RBM26: variants seen among roughly 807,000 people sequenced by gnomAD.
RBM26 encodes the protein RNA binding motif protein 26.
A neutral mutation model predicts 123.6 loss-of-function variants in RBM26; 30 were observed. The ratio of observed to expected loss-of-function variants is 0.24; its 90% CI spans 0.18 to 0.33. The LOEUF (loss-of-function observed/expected upper bound fraction) is 0.33. Among genes scored for constraint, RBM26 ranks in the 10% least tolerant of loss-of-function variants. The probability of loss-of-function intolerance (pLI) is 1.00; values close to 1 mark genes in which losing one functional copy is unlikely to be tolerated. For synonymous variants in RBM26, 400 were observed against 404.4 expected (o/e 0.99, Z 0.13); for missense variants, 947 against 1,203.6 (o/e 0.79, Z 3.15).
intron 11 of RBM26, among the ~76,000 whole-genome samples, chr13:79,357,651 G>A (rs994414735): frequency 2.0e-5 from 3 of 152,118 alleles, no homozygotes; most frequent in African/African-American, 7.2e-5. Flanking sequence ...CCATAGGAGT[G>A]ACAAAAATCT....
At chr13:79,312,078 C>G (rs958037582) in exon 5 of RBM26, 5 of 152,082 alleles carry the variant, frequency 3.3e-5, no homozygotes, top group African/African-American at 4.8e-5. Flanking sequence ...CAATTGCTTT[C>G]GCTCCACTCA....
chr13:79,404,517 T>C (rs2140627019), intron 1 of RBM26, among the ~76,000 whole-genome samples: 1 of 152,358 alleles, frequency 6.6e-6, no homozygotes, highest in East Asian at 1.9e-4. Context: ...ATACATGATG[T>C]GGCCCCTACC....
intron 21 of RBM26, among the ~76,000 whole-genome samples, 175 bp from the exon 22 acceptor site, chr13:79,320,885 C>T (rs942498068): frequency 6.6e-6 from 1 of 151,216 alleles, no homozygotes; most frequent in African/African-American, 2.4e-5. Flanking sequence ...AATGGTTTCT[C>T]TATATGATCT....
intron 1 of RBM26, among the ~76,000 whole-genome samples, chr13:79,392,500 T>C (rs2078179440): frequency 6.8e-6 from 1 of 146,584 alleles, no homozygotes; most frequent in South Asian, 2.1e-4. Flanking sequence ...TCACATATAT[T>C]CTAATATATT....
intron 6 of RBM26, among the ~76,000 whole-genome samples, chr13:79,368,138 C>G (rs1412798146): frequency 2.0e-5 from 3 of 151,954 alleles, no homozygotes; most frequent in African/African-American, 7.2e-5. Context: ...CCTTCTCCTG[C>G]CTCAGCCTCC....
chr13:79,377,414 A>G lies in RBM26; in HGVS notation c.292T>C (p.Phe98Leu), dbSNP rs1566528227. Residue 98 changes from phenylalanine (F) to leucine (L), a missense_variant, in exon 3 of 22, where the codon TTT becomes CTT. By Grantham distance (22) the Phe-to-Leu change is conservative. Around this residue, in one of 5 missense-constraint regions of RBM26, gnomAD observed 275 missense variants for 361.0 expected, o/e 0.76. Coordinates refer to ENST00000438737, the MANE Select transcript of RBM26 (RefSeq NM_001366735.2). Reference sequence around the variant, plus strand: ...TTTATATCTTTTTCTTGGTGTGGAAAAAATTCTACCTTCAGGCTTCCTGAT... The same window carrying G: ...TTTATATCTTTTTCTTGGTGTGGAAGAAATTCTACCTTCAGGCTTCCTGAT... Reference protein sequence around the residue: ...PSSGSLKVEFFPHQEKDIKKE... With the variant: ...PSSGSLKVEFLPHQEKDIKKE... 6.2e-7 allele frequency: 1 copy of G among 1,613,874 alleles called. No individual in the cohort carries two copies. The highest frequency in any genetic ancestry group is 8.5e-7 in the Non-Finnish European group (1 of 1,179,890).
intron 14 of RBM26, among the ~76,000 whole-genome samples, chr13:79,345,902 T>A (rs973442850): frequency 6.6e-6 from 1 of 152,168 alleles, no homozygotes; most frequent in African/African-American, 2.4e-5. Flanking sequence ...AAAAACAGTT[T>A]AAGTTCCACG....
chr13:79,380,755 T>C (rs2077011907), intron 1 of RBM26, among the ~76,000 whole-genome samples: 1 of 152,062 alleles, frequency 6.6e-6, no homozygotes, highest in South Asian at 2.1e-4. Flanking sequence ...TTGTATCTGT[T>C]AACCAACCTC....
Position 79,371,945 on chromosome 13 carries a change from A to C in RBM26, c.328-15T>G. Reference sequence around the variant, plus strand: ...TCCTTAGTGATCTGATTAAAAAAAAAAAAAAAAGTGTACAAGTTTAGTAAT... The same window carrying C: ...TCCTTAGTGATCTGATTAAAAAAAACAAAAAAAGTGTACAAGTTTAGTAAT... On this transcript the variant is annotated splice_polypyrimidine_tract_variant and intron_variant, in intron 3 of 21. Transcript: ENST00000438737. 6.4e-7 allele frequency: 1 copy of C among 1,552,272 alleles called. No homozygotes were observed. The highest frequency in any genetic ancestry group is 8.9e-7 in the Non-Finnish European group (1 of 1,128,352).
intron 1 of RBM26, among the ~76,000 whole-genome samples, chr13:79,381,313 C>T (rs932788389): frequency 5.3e-5 from 8 of 152,006 alleles, no homozygotes; most frequent in Non-Finnish European, 7.4e-5. Context: ...ACCTGACTTC[C>T]AATTTACTTT....
At chr13:79,325,402 C>T (rs2068230957) in intron 20 of RBM26, among the ~76,000 whole-genome samples, 1 of 151,978 alleles carries the variant, frequency 6.6e-6, no homozygotes, top group South Asian at 2.1e-4. Flanking sequence ...TCCAGTGGGA[C>T]AAGACGTAAA....
intron 20 of RBM26, among the ~76,000 whole-genome samples, chr13:79,333,620 T>G (rs2069803780): frequency 1.3e-5 from 2 of 152,202 alleles, no homozygotes; most frequent in African/African-American, 2.4e-5. Context: ...TGACACTGTC[T>G]TCTCTACAAT....
intron 14 of RBM26, among the ~76,000 whole-genome samples, chr13:79,349,972 A>G (rs866939732): frequency 2.0e-5 from 3 of 152,222 alleles, no homozygotes; most frequent in African/African-American, 7.2e-5. Flanking sequence ...CTGGGATTAC[A>G]AGCGTGAGCC....
intron 21 of RBM26, 127 bp downstream of exon 21, chr13:79,322,222 T>C: frequency 2.0e-6 from 1 of 508,862 alleles, no homozygotes. Context: ...ATTTATCTGA[T>C]ATCCCCTGCC....
intron 20 of RBM26, among the ~76,000 whole-genome samples, chr13:79,325,248 A>AT (rs567979411): frequency 3.9e-5 from 6 of 151,950 alleles, no homozygotes; most frequent in Non-Finnish European, 8.8e-5. Context: ...GTGTACTCTA[A>AT]TTTTTTTTAA....
chr13:79,325,332 A>G (rs2068221541), intron 20 of RBM26, among the ~76,000 whole-genome samples: 1 of 152,156 alleles, frequency 6.6e-6, no homozygotes, highest in African/African-American at 2.4e-5. Flanking sequence ...CGTAGGCCTC[A>G]GCCTATAATA....
At chr13:79,350,190 T>C (rs941282451) in intron 14 of RBM26, among the ~76,000 whole-genome samples, 14 of 152,230 alleles carry the variant, frequency 9.2e-5, no homozygotes, top group African/African-American at 3.4e-4. Flanking sequence ...ATGGTATAGA[T>C]GTTAATATAT....
At position 79,337,265 on chromosome 13, in the gene RBM26, C is replaced by T. The variant is rs2070598574; in HGVS notation, c.2570G>A (p.Arg857Lys). 5.6e-6 allele frequency: 9 copies of T among 1,614,062 alleles called. No homozygotes were observed. Among genetic ancestry groups the T allele is most frequent in the Non-Finnish European group, 7.6e-6 (9 of 1,180,020 alleles). Reference sequence around the variant, plus strand: ...ACCTCGACCTCTTGAATGAATTCCTCTGCCCCGACCAGATGAAAGAATCCC... The same window carrying T: ...ACCTCGACCTCTTGAATGAATTCCTTTGCCCCGACCAGATGAAAGAATCCC... ...KRGILSSGRG[R>K]GIHSRGRGAV... is the part of the protein sequence containing the mutation. The change falls in exon 19 of 22, where the codon AGA becomes AAA. Residue 857 changes from arginine to lysine, a missense_variant. Transcript: ENST00000438737.
chr13:79,405,963 C>G lies in RBM26; in HGVS notation c.-189G>C, dbSNP rs1239293530. 1 of 327,420 alleles carries G rather than the reference C, an allele frequency of 3.1e-6. No individual in the cohort carries two copies. Among genetic ancestry groups the G allele is most frequent in the Non-Finnish European group, 5.5e-6 (1 of 181,546 alleles). The allele number at this position is 327,420 out of a possible 1,614,324, so 20.3% of individuals were successfully genotyped here. A position where few individuals can be genotyped will look rare whatever the true frequency, so the allele number is the denominator to read the frequency against. ...AGGACCGCCGCAGGCCACAAGTGCA[C>G]GGGGTGCCAGGAGCTCCCCGTCCCC... On this transcript the variant is annotated 5_prime_UTR_variant, in exon 1 of 22. Coordinates refer to ENST00000438737, the MANE Select transcript of RBM26 (RefSeq NM_001366735.2).
Sources: gnomAD v4.1 joint callset for allele counts (sites outside exome capture counted in the v4.1 genomes callset) on GRCh38, gnomAD v4.1.1 for gene constraint, gnomAD v4.1.1 regional missense constraint, MANE v1.5 for transcripts, NCBI Gene and HGNC (gene_info 2026-07-23, HGNC 2026-07-21) for gene names.